XPOT: variants seen among roughly 807,000 people sequenced by gnomAD.
The protein encoded by XPOT is exportin for tRNA.
Under a neutral mutation model 128.2 loss-of-function variants are expected in XPOT, and 34 were observed. That is an observed-to-expected ratio of 0.27 (90% CI 0.20 to 0.35). The LOEUF (loss-of-function observed/expected upper bound fraction) is 0.35. XPOT is among the 10% of genes least tolerant of loss of function. The probability of loss-of-function intolerance (pLI) is 1.00; values close to 1 mark genes in which losing one functional copy is unlikely to be tolerated. For missense variants in XPOT, 838 were observed against 1,125.3 expected (o/e 0.74, Z 3.65); for synonymous variants, 348 against 394.3 (o/e 0.88, Z 1.39).
intron 1 of XPOT, among the ~76,000 whole-genome samples, chr12:64,407,251 G>A (rs1400248573): frequency 1.3e-5 from 2 of 152,120 alleles, no homozygotes; most frequent in Non-Finnish European, 2.9e-5. Context: ...TTGGGAGGCC[G>A]AGTCTGGCAG....
intron 23 of XPOT, among the ~76,000 whole-genome samples, chr12:64,444,759 T>G (rs1249231900): frequency 1.3e-5 from 2 of 152,156 alleles, no homozygotes; most frequent in Admixed American, 6.5e-5. Context: ...CTTACTGTAC[T>G]GTACATGTAA....
intron 2 of XPOT, among the ~76,000 whole-genome samples, chr12:64,412,586 T>C (rs2040048567): frequency 6.6e-6 from 1 of 152,316 alleles, no homozygotes; most frequent in African/African-American, 2.4e-5. Flanking sequence ...GCTGCCTGTG[T>C]TCTTATAGTC....
intron 1 of XPOT, among the ~76,000 whole-genome samples, chr12:64,406,291 G>A (rs1195212062): frequency 6.6e-6 from 1 of 151,820 alleles, no homozygotes; most frequent in Admixed American, 6.6e-5. Context: ...GGTCAGGCTG[G>A]TCTCGAACTC....
At chr12:64,435,574 G>T in intron 21 of XPOT, 53 bp from the exon 22 acceptor site, 1 of 1,486,632 alleles carries the variant, frequency 6.7e-7, no homozygotes, top group Middle Eastern at 1.9e-4. Flanking sequence ...AGAAGAGCTG[G>T]ATCACTAAAC....
At chr12:64,428,949 G>C (rs1027858112) in intron 16 of XPOT, among the ~76,000 whole-genome samples, 5 of 152,204 alleles carry the variant, frequency 3.3e-5, no homozygotes, top group Non-Finnish European at 7.3e-5. Context: ...GTTAGTAGTT[G>C]TGTGCCACTC....
intron 2 of XPOT, among the ~76,000 whole-genome samples, chr12:64,412,181 C>T (rs1237126363): frequency 6.6e-6 from 1 of 151,850 alleles, no homozygotes; most frequent in African/African-American, 2.4e-5. Context: ...CACACACCAC[C>T]ACGCCTAGCT....
intron 11 of XPOT, among the ~76,000 whole-genome samples, chr12:64,423,805 T>G (rs1414313646): frequency 1.3e-5 from 2 of 152,158 alleles, no homozygotes; most frequent in African/African-American, 2.4e-5. Context: ...AGTAAAATAT[T>G]GATAATATTA....
At chr12:64,409,070 A>G (rs2040010941) in intron 1 of XPOT, among the ~76,000 whole-genome samples, 1 of 152,166 alleles carries the variant, frequency 6.6e-6, no homozygotes, top group Non-Finnish European at 1.5e-5. Context: ...ATGCAAAACT[A>G]AGTCCATTGC....
intron 16 of XPOT, among the ~76,000 whole-genome samples, chr12:64,429,119 G>A (rs1429168175): frequency 6.6e-6 from 1 of 152,208 alleles, no homozygotes; most frequent in Non-Finnish European, 1.5e-5. Context: ...GTACAGAAAG[G>A]ACCTTTCTTG....
chr12:64,444,434 A>C (rs1029751253), intron 23 of XPOT, among the ~76,000 whole-genome samples: 7 of 152,260 alleles, frequency 4.6e-5, no homozygotes, highest in African/African-American at 1.7e-4. Context: ...TAAATGGATA[A>C]ACAAAATATG....
intron 1 of XPOT, among the ~76,000 whole-genome samples, chr12:64,409,096 C>T (rs1160809510): frequency 6.6e-6 from 1 of 151,868 alleles, no homozygotes; most frequent in African/African-American, 2.4e-5. Flanking sequence ...AGCTAAATGA[C>T]TGGTTTTTCA....
chr12:64,434,266 A>G (rs1002373140), intron 19 of XPOT, among the ~76,000 whole-genome samples: 6 of 152,152 alleles, frequency 3.9e-5, no homozygotes, highest in African/African-American at 1.4e-4. Context: ...AAAGGGCTGG[A>G]ATTACAGACA....
chr12:64,440,035 G>A (rs1006925024), intron 23 of XPOT, among the ~76,000 whole-genome samples: 13 of 151,918 alleles, frequency 8.6e-5, no homozygotes, highest in Admixed American at 8.5e-4. Context: ...TTAATTATAG[G>A]GACAGTGATG....
chr12:64,406,772 G>A (rs2039987345), intron 1 of XPOT, among the ~76,000 whole-genome samples: 2 of 152,096 alleles, frequency 1.3e-5, no homozygotes, highest in Non-Finnish European at 2.9e-5. Context: ...TTTTCTCTCT[G>A]TGGGCATTTT....
intron 23 of XPOT, among the ~76,000 whole-genome samples, chr12:64,441,638 G>T (rs1278021337): frequency 6.6e-6 from 1 of 151,776 alleles, no homozygotes; most frequent in Non-Finnish European, 1.5e-5. Flanking sequence ...ACGTCACTTT[G>T]TTTTTTATTT....
intron 16 of XPOT, 24 bp downstream of exon 16, chr12:64,428,144 A>G: frequency 6.8e-7 from 1 of 1,479,288 alleles, no homozygotes. Context: ...TCTTTAAGAT[A>G]TTTTACCCAG....
chr12:64,419,105 A>T lies in XPOT; in HGVS notation c.489+11A>T. 6.2e-7 allele frequency: 1 copy of T among 1,602,244 alleles called. No individual in the cohort carries two copies. Among genetic ancestry groups the T allele is most frequent in the Non-Finnish European group, 8.5e-7 (1 of 1,173,766 alleles). ...GTGCATACATCAGAGGCAAGTAACT[A>T]ACCATGAATTTTTTATATTTAATGT... On this transcript the variant is annotated intron_variant, in intron 6 of 24. Coordinates refer to ENST00000332707, the MANE Select transcript of XPOT (RefSeq NM_007235.6).
chr12:64,412,584 T>G (rs2040048532), intron 2 of XPOT, among the ~76,000 whole-genome samples: 1 of 152,234 alleles, frequency 6.6e-6, no homozygotes, highest in African/African-American at 2.4e-5. Context: ...TAGCTGCCTG[T>G]GTTCTTATAG....
At chr12:64,440,453 C>T (rs570310165) in intron 23 of XPOT, among the ~76,000 whole-genome samples, 88 of 152,274 alleles carry the variant, frequency 5.8e-4, no homozygotes, top group African/African-American at 1.9e-3. Flanking sequence ...GATGCTGATT[C>T]CAATTCTTTT....
Sources: gnomAD v4.1 joint callset for allele counts (sites outside exome capture counted in the v4.1 genomes callset) on GRCh38, gnomAD v4.1.1 for gene constraint, MANE v1.5 for transcripts, NCBI Gene and HGNC (gene_info 2026-07-23, HGNC 2026-07-21) for gene names.